RSRC2: variants seen among roughly 807,000 people sequenced by gnomAD.
RSRC2 encodes arginine and serine rich coiled-coil 2.
A neutral mutation model predicts 61.3 loss-of-function variants in RSRC2; 5 were observed. That is an observed-to-expected ratio of 0.08 (90% CI 0.04 to 0.17). The LOEUF (loss-of-function observed/expected upper bound fraction) is 0.17, where lower values mean the gene tolerates loss of function less well. Ranked by LOEUF, RSRC2 falls within the 10% of genes least tolerant of loss-of-function variation. RSRC2 has a pLI of 1.00. For missense variants in RSRC2, 381 were observed against 518.8 expected (o/e 0.73, Z 2.58); for synonymous variants, 202 against 166.5 (o/e 1.21, Z -1.64).
In RSRC2 at chr12:122,507,988, G is replaced by A. The variant is rs910859725; in HGVS notation, c.1035+230C>T. On this transcript the variant is annotated intron_variant, in intron 8 of 9. Transcript: ENST00000331738. ...GCTGATTTTTATCTTCTTTTCAGTAGAGACAGGGTTTTGCCATGTTGGCCA... is the reference window on the plus strand; with the variant it reads ...GCTGATTTTTATCTTCTTTTCAGTAAAGACAGGGTTTTGCCATGTTGGCCA... 3.1e-5 allele frequency: 18 copies of A among 572,186 alleles called. No homozygotes were observed. In the African/African-American group the frequency reaches 3.2e-4, roughly 10 times the overall value. 35.4% of individuals were successfully genotyped at this position (572,186 alleles called of 1,614,324 possible).
In RSRC2 at chr12:122,521,177, A is replaced by G. The variant is rs1177940442; in HGVS notation, c.207+208T>C. 7 of 446,068 alleles carry G rather than the reference A, an allele frequency of 1.6e-5. No individual in the cohort carries two copies. In the South Asian group the frequency reaches 2.9e-4, roughly 18 times the overall value. 27.6% of individuals were successfully genotyped at this position (446,068 alleles called of 1,614,324 possible). On this transcript the variant is annotated intron_variant, in intron 3 of 9. Transcript: ENST00000331738. ...TTTATTGTGAATATTTTCACAATAT[A>G]ATAAAATTAAAGTTTTGAAGGTACT...
chr12:122,509,488 A>T (rs1281341341), intron 7 of RSRC2, among the ~76,000 whole-genome samples: 3 of 151,928 alleles, frequency 2.0e-5, no homozygotes, highest in Non-Finnish European at 2.9e-5. Context: ...AAAAACCCAA[A>T]AACAACAACA....
chr12:122,510,234 C>A (rs1049037180), intron 7 of RSRC2, among the ~76,000 whole-genome samples: 1 of 152,122 alleles, frequency 6.6e-6, no homozygotes, highest in Admixed American at 6.6e-5. Flanking sequence ...TTTCCAAAAT[C>A]GTAAAAGACA....
chr12:122,514,966 ATAGTTC>A, intron 6 of RSRC2, 133 bp downstream of exon 6: 1 of 930,452 alleles, frequency 1.1e-6, no homozygotes, highest in Middle Eastern at 2.3e-4. Context: ...AACTATTTAC[ATAGTTC>A]TAGATCACAA....
intron 1 of RSRC2, among the ~76,000 whole-genome samples, chr12:122,524,699 G>A (rs938016021): frequency 6.6e-6 from 1 of 152,106 alleles, no homozygotes; most frequent in African/African-American, 2.4e-5. Flanking sequence ...TGGTCATTGA[G>A]GCCATGGAAA....
intron 1 of RSRC2, among the ~76,000 whole-genome samples, chr12:122,524,364 G>A (rs549804982): frequency 1.8e-4 from 28 of 152,132 alleles, no homozygotes; most frequent in Admixed American, 3.3e-4. Context: ...TTTAAGCACC[G>A]CTATTACTTC....
Position 122,518,884 on chromosome 12 carries a change from T to C in RSRC2, c.353A>G (p.Lys118Arg), listed in dbSNP as rs1959117801. Residue 118 changes from lysine (K) to arginine (R), a missense_variant, in exon 4 of 10, where the codon AAG (lysine) becomes AGG (arginine). Coordinates refer to ENST00000331738, the MANE Select transcript of RSRC2 (RefSeq NM_023012.6). ...GEDRHKRKER[K>R]SSRGRSHSRS... ...TGAGTGACTTCTGCCTCTTGATGAC[T>C]TTCTTTCTTTGCGTTTGTGCCTGTC... 8.7e-6 allele frequency: 14 copies of C among 1,614,184 alleles called. No homozygotes were observed. Among genetic ancestry groups the C allele is most frequent in the Non-Finnish European group, 1.0e-5 (12 of 1,180,034 alleles).
intron 1 of RSRC2, among the ~76,000 whole-genome samples, chr12:122,524,049 C>G (rs1443825794): frequency 6.6e-6 from 1 of 152,190 alleles, no homozygotes; most frequent in Non-Finnish European, 1.5e-5. Flanking sequence ...TGGGTGACTT[C>G]TGGAACCATA....
At chr12:122,520,745 A>G (rs1959187204) in intron 3 of RSRC2, 2 of 363,582 alleles carry the variant, frequency 5.5e-6, no homozygotes, top group South Asian at 4.3e-5. Context: ...CCCCCACAAG[A>G]CTCTTCTCCC....
At chr12:122,526,247 C>T (rs1960359470) in intron 1 of RSRC2, 1 of 152,536 alleles carries the variant, frequency 6.6e-6, no homozygotes, top group South Asian at 2.0e-4. Flanking sequence ...ATTGGTAGTT[C>T]CACAACCTTT....
intron 1 of RSRC2, among the ~76,000 whole-genome samples, chr12:122,524,518 T>C (rs1481781624): frequency 1.3e-5 from 2 of 152,240 alleles, no homozygotes; most frequent in African/African-American, 4.8e-5. Context: ...TTTCAGGCAA[T>C]GGTTTATCTA....
intron 6 of RSRC2, among the ~76,000 whole-genome samples, chr12:122,513,196 AAAAT>A (rs58751034): frequency 0.082 from 10,627 of 129,792 alleles, 738 homozygotes; most frequent in African/African-American, 0.18. Context: ...CTCCGTCTCA[AAAAT>A]AAATAAATAA....
chr12:122,512,081 C>G, intron 6 of RSRC2, among the ~76,000 whole-genome samples: 1 of 152,242 alleles, frequency 6.6e-6, no homozygotes, highest in Non-Finnish European at 1.5e-5. Flanking sequence ...GCTGGCATTA[C>G]AGGCGTGAGC....
intron 7 of RSRC2, 64 bp downstream of exon 7, chr12:122,511,044 GT>G (rs2137446765): frequency 8.1e-7 from 1 of 1,233,012 alleles, no homozygotes; most frequent in South Asian, 1.3e-5. Flanking sequence ...GCAAATCCCT[GT>G]GAAAAACAAA....
intron 3 of RSRC2, 109 bp from the exon 4 acceptor site, chr12:122,519,138 T>A: frequency 1.3e-6 from 1 of 775,080 alleles, no homozygotes; most frequent in Non-Finnish European, 2.1e-6. Context: ...ACCTTAGGAG[T>A]GTGTGGCAAA....
intron 5 of RSRC2, 97 bp from the exon 6 acceptor site, chr12:122,515,324 C>A: frequency 1.6e-6 from 2 of 1,214,880 alleles, no homozygotes; most frequent in Non-Finnish European, 2.3e-6. Flanking sequence ...CCCAACGATA[C>A]AAAAACATTT....
rs780646178 is a variant in RSRC2 at position 122,515,238 on chromosome 12, T to C, written c.603-11A>G. On this transcript the variant is annotated splice_polypyrimidine_tract_variant and intron_variant, in intron 5 of 9. Coordinates refer to ENST00000331738, the MANE Select transcript of RSRC2 (RefSeq NM_023012.6). ...CTCTTCTTTCTATCTCTGTAGTAAA[T>C]CGTATTTCATATGTCAAATTATGGC... is the stretch of plus-strand genomic sequence containing the variant. 1.6e-5 allele frequency: 26 copies of C among 1,610,584 alleles called. No homozygotes were observed. The highest frequency in any genetic ancestry group is 2.0e-5 in the Non-Finnish European group (24 of 1,178,756).
chr12:122,526,917 C>T lies in RSRC2; in HGVS notation c.-64G>A. On this transcript the variant is annotated 5_prime_UTR_variant, in exon 1 of 10. Transcript: ENST00000331738. ...GTCGCTTTCAACAGTACCGGCCGCT[C>T]CGAAGCTTCGCCTCAGACTAAATCG... 3.1e-6 allele frequency: 5 copies of T among 1,601,430 alleles called. No homozygotes were observed. The highest frequency in any genetic ancestry group is 2.2e-5 in the East Asian group (1 of 44,776).
At chr12:122,515,035 C>A (rs989661157) in intron 6 of RSRC2, 70 bp downstream of exon 6, 24 of 1,500,644 alleles carry the variant, frequency 1.6e-5, no homozygotes, top group East Asian at 4.5e-5. Context: ...TGAAAGAATT[C>A]ATCTTATCCA....
Sources: allele counts gnomAD v4.1 joint callset (sites outside exome capture counted in the v4.1 genomes callset), GRCh38; gene constraint gnomAD v4.1.1; transcripts MANE v1.5; gene names NCBI Gene and HGNC (gene_info 2026-07-23, HGNC 2026-07-21).